Variants in ITGB5 observed in about 807,000 individuals in gnomAD.
ITGB5 encodes integrin subunit beta 5, also known as integrin beta-5.
A neutral mutation model predicts 84.8 loss-of-function variants in ITGB5; 38 were observed. The observed-to-expected ratio is 0.45, with a 90% confidence interval of 0.35 to 0.59. The LOEUF is 0.59. Among genes scored for constraint, ITGB5 ranks in the 20% least tolerant of loss-of-function variants. ITGB5 has a pLI of 0.01. For missense variants in ITGB5, 905 were observed against 1,034.5 expected, an observed-to-expected ratio of 0.87 and a Z score of 1.72; for synonymous variants, 393 against 414.4, an observed-to-expected ratio of 0.95 and a Z score of 0.63.
At chr3:124,806,228 G>A (rs564038498) in intron 9 of ITGB5, among the ~76,000 whole-genome samples, 1 of 152,128 alleles carries the variant, frequency 6.6e-6, no homozygotes, top group Non-Finnish European at 1.5e-5. Flanking sequence ...CCTGGCGTAT[G>A]CTAGATTAGA....
At chr3:124,815,327 G>C (rs948838939) in intron 8 of ITGB5, among the ~76,000 whole-genome samples, 2 of 152,216 alleles carry the variant, frequency 1.3e-5, no homozygotes, top group African/African-American at 4.8e-5. Flanking sequence ...AGGGGGCCTG[G>C]GCCTTCACCA....
chr3:124,868,768 T>C (rs1223454412), intron 2 of ITGB5, among the ~76,000 whole-genome samples: 7 of 151,634 alleles, frequency 4.6e-5, no homozygotes, highest in Non-Finnish European at 8.8e-5. Context: ...ACCACTGCAC[T>C]GCAGCCTGGG....
chr3:124,829,003 C>G (rs2064822499), intron 5 of ITGB5, among the ~76,000 whole-genome samples: 1 of 152,148 alleles, frequency 6.6e-6, no homozygotes, highest in Non-Finnish European at 1.5e-5. Flanking sequence ...GAAGATGATA[C>G]ACATTGAGCA....
chr3:124,887,500 G>A (rs1437905906), upstream of ITGB5: 5 of 185,684 alleles, frequency 2.7e-5, no homozygotes, highest in South Asian at 7.0e-5. Context: ...GGTGAGGCGG[G>A]GCGGGGCGAG....
intron 10 of ITGB5, chr3:124,781,183 C>T (rs575680363): frequency 5.9e-5 from 9 of 152,294 alleles, no homozygotes; most frequent in African/African-American, 2.2e-4. Context: ...CTCTCTGGAG[C>T]ACCAGAGCCA....
chr3:124,818,370 G>A lies in ITGB5; in HGVS notation c.1039-660C>T, dbSNP rs118055134. ...TGGATGGGCTTCCTCCCCCAAGCAAGGTGTATTTAGCTCTGAGGAAGGATG... is the reference window on the plus strand; with the variant it reads ...TGGATGGGCTTCCTCCCCCAAGCAAAGTGTATTTAGCTCTGAGGAAGGATG... On this transcript the variant is annotated intron_variant, in intron 7 of 14. Transcript: ENST00000296181. Among the ~76,000 whole-genome samples the A allele has an allele frequency of 6.6e-5, 10 of 152,200 alleles. No individual in the cohort carries two copies. The East Asian group carries it at 1.9e-3, about 29-fold the overall frequency.
At chr3:124,879,098 T>C (rs886589027) in intron 1 of ITGB5, among the ~76,000 whole-genome samples, 2 of 152,188 alleles carry the variant, frequency 1.3e-5, no homozygotes, top group African/African-American at 4.8e-5. Context: ...ATCCGGTTGA[T>C]CACTCCTTTC....
chr3:124,763,711 T>G lies in ITGB5; in HGVS notation c.2312A>C (p.Asn771Thr). 2 of 1,599,188 alleles carry G rather than the reference T, an allele frequency of 1.3e-6. No homozygotes were observed. The highest frequency in any genetic ancestry group is 1.7e-6 in the Non-Finnish European group (2 of 1,166,546). Residue 771 changes from asparagine to threonine, a missense_variant, in exon 15 of 15, where the codon AAT (asparagine) becomes ACT (threonine). Physicochemically the swap from Asn to Thr is moderately conservative, Grantham distance 65. Around this residue, in one of 3 missense-constraint regions of ITGB5, gnomAD observed 133 missense variants for 122.8 expected, o/e 1.08. Transcript: ENST00000296181. Reference sequence around the variant, plus strand: ...GGAGATAGGCTTTCTGTATAATGGATTTGAAGCCTACAGAACACGGCGGGG... The same window carrying G: ...GGAGATAGGCTTTCTGTATAATGGAGTTGAAGCCTACAGAACACGGCGGGG... ...RSRARYEMAS[N>T]PLYRKPISTH... is the part of the protein sequence containing the mutation.
At chr3:124,837,974 T>C (rs1414716985) in intron 5 of ITGB5, among the ~76,000 whole-genome samples, 2 of 152,154 alleles carry the variant, frequency 1.3e-5, no homozygotes, top group Admixed American at 1.3e-4. Flanking sequence ...GTTTGCAGGA[T>C]TCAGTGGAAG....
chr3:124,819,920 G>C (rs1456472752), intron 6 of ITGB5, 86 bp from the exon 7 acceptor site: 3 of 969,546 alleles, frequency 3.1e-6, no homozygotes, highest in Non-Finnish European at 5.1e-6. Context: ...TCAGCAGCCA[G>C]CATTTGCCAG....
At chr3:124,887,920 C>CTTTTT (rs747964036), upstream of ITGB5, 62 of 196,312 alleles carry the variant, frequency 3.2e-4, no homozygotes, top group African/African-American at 1.4e-3. Flanking sequence ...TTTTTCTTTT[C>CTTTTT]TTTTTTTTTT....
chr3:124,855,583 T>C (rs1268615727), intron 3 of ITGB5, among the ~76,000 whole-genome samples: 3 of 152,166 alleles, frequency 2.0e-5, no homozygotes, highest in African/African-American at 7.2e-5. Context: ...TGCTTGTAGG[T>C]CTTAGGAACT....
chr3:124,783,210 G>C (rs2064030130), intron 10 of ITGB5, among the ~76,000 whole-genome samples: 1 of 144,056 alleles, frequency 6.9e-6, no homozygotes, highest in South Asian at 2.2e-4. Flanking sequence ...ATAATTGCTT[G>C]AACCAGGCAG....
At chr3:124,886,732 G>T (rs968518669) in intron 1 of ITGB5, among the ~76,000 whole-genome samples, 199 bp downstream of exon 1, 5 of 151,790 alleles carry the variant, frequency 3.3e-5, no homozygotes, top group African/African-American at 1.2e-4. Context: ...GAGGGAACAG[G>T]AGACTCACGA....
chr3:124,828,340 C>A (rs2064813213), intron 5 of ITGB5, among the ~76,000 whole-genome samples: 1 of 152,144 alleles, frequency 6.6e-6, no homozygotes, highest in South Asian at 2.1e-4. Flanking sequence ...GAATACTACT[C>A]AGCAACAAAA....
chr3:124,881,461 C>T (rs529593533), intron 1 of ITGB5, among the ~76,000 whole-genome samples: 1 of 152,144 alleles, frequency 6.6e-6, no homozygotes, highest in Non-Finnish European at 1.5e-5. Flanking sequence ...ATGGAATGGG[C>T]CATGAAAGCA....
At chr3:124,829,494 G>A (rs1024618748) in intron 5 of ITGB5, among the ~76,000 whole-genome samples, 6 of 152,168 alleles carry the variant, frequency 3.9e-5, no homozygotes, top group African/African-American at 1.4e-4. Flanking sequence ...ACACTCATGC[G>A]AGGGAACGAC....
chr3:124,869,120 A>G (rs1446158746), intron 2 of ITGB5, among the ~76,000 whole-genome samples: 3 of 152,202 alleles, frequency 2.0e-5, no homozygotes, highest in Non-Finnish European at 4.4e-5. Flanking sequence ...ATTCATCCTC[A>G]TAGGTTGGGA....
At position 124,768,558 on chromosome 3, in the gene ITGB5, C is replaced by T. The variant is rs142076448; in HGVS notation, c.2017+455G>A. On this transcript the variant is annotated intron_variant, in intron 12 of 14. Coordinates refer to ENST00000296181, the MANE Select transcript of ITGB5 (RefSeq NM_002213.5). ...GTGGTCAGGCCTCACCGTGCCGTAG[C>T]GTGTTTCAGTGCTTCACACCTCTTA... 1.6e-3 allele frequency among the ~76,000 whole-genome samples: 240 copies of T among 152,324 alleles called. 1 individual carries two copies. Among genetic ancestry groups the T allele is most frequent in the African/African-American group, 5.6e-3 (234 of 41,584 alleles).
Sources: allele counts gnomAD v4.1 joint callset (sites outside exome capture counted in the v4.1 genomes callset), GRCh38; gene constraint gnomAD v4.1.1; regional missense constraint gnomAD v4.1.1; transcripts MANE v1.5; gene names NCBI Gene and HGNC (gene_info 2026-07-23, HGNC 2026-07-21).